The following MUC4 variants were observed in gnomAD, a reference collection of about 807,000 sequenced individuals.
MUC4 encodes mucin-4.
In MUC4, 202 loss-of-function variants were observed where a neutral mutation model predicts 257.9. That is an observed-to-expected ratio of 0.78 (90% CI 0.70 to 0.88). The LOEUF (loss-of-function observed/expected upper bound fraction) is 0.88. Ranked by LOEUF, MUC4 falls within the 40% of genes least tolerant of loss-of-function variation. The pLI is 0.00. For synonymous variants in MUC4, 2,351 were observed against 2,757.1 expected (o/e 0.85, Z 4.62); for missense variants, 5,976 against 6,513.7 (o/e 0.92, Z 2.84).
intron 6 of MUC4, chr3:195,769,444 G>T: frequency 2.7e-6 from 1 of 371,048 alleles, no homozygotes; most frequent in Non-Finnish European, 5.0e-6. Context: ...GTGTTTGTTA[G>T]AGAAAGCTAC....
In MUC4 at chr3:195,757,554, C is replaced by T. The variant is rs1717916059; in HGVS notation, c.14987-226G>A. ...CCAACATACTGATTGTAGCGGGGAA[C>T]GCCACAGAGGGGAAAGCAGTTTCCT... On this transcript the variant is annotated intron_variant, in intron 17 of 24. Coordinates refer to ENST00000463781, the MANE Select transcript of MUC4 (RefSeq NM_018406.7). This position sits in a 1 kb window ranked among gnomAD's most constrained non-coding sequence, Gnocchi z 4.8. 2.0e-5 allele frequency among the ~76,000 whole-genome samples: 3 copies of T among 152,248 alleles called. No individual in the cohort carries two copies. The highest frequency in any genetic ancestry group is 2.1e-4 in the South Asian group (1 of 4,826).
chr3:195,753,282 G>A (rs78765346), intron 19 of MUC4, 52 bp from the exon 20 acceptor site: 67,739 of 1,570,446 alleles, frequency 0.043, 1,988 homozygotes, highest in African/African-American at 0.14. Context: ...GCAGAGGGAC[G>A]GCCCAGCCCG....
At chr3:195,798,825 G>A (rs541929255) in intron 1 of MUC4, among the ~76,000 whole-genome samples, 1 of 152,202 alleles carries the variant, frequency 6.6e-6, no homozygotes, top group East Asian at 1.9e-4. Context: ...TACTAGCTTC[G>A]TAAACATAGC....
chr3:195,795,815 CAAAT>C (rs1734498083), intron 1 of MUC4, among the ~76,000 whole-genome samples: 1 of 119,726 alleles, frequency 8.4e-6, no homozygotes, highest in Non-Finnish European at 1.6e-5. Flanking sequence ...GAAAATAAAA[CAAAT>C]ACCTGGCAAG....
Position 195,751,042 on chromosome 3 carries a change from G to A in MUC4, c.15718C>T (p.Pro5240Ser). 6.2e-7 allele frequency: 1 copy of A among 1,613,960 alleles called. No homozygotes were observed. Among genetic ancestry groups the A allele is most frequent in the Non-Finnish European group, 8.5e-7 (1 of 1,179,984 alleles). The change falls in exon 23 of 25, where the codon CCT (proline) becomes TCT (serine). Residue 5240 changes from proline to serine, a missense_variant. Physicochemically the swap from Pro to Ser is moderately conservative, Grantham distance 74 (BLOSUM62 -1). Around this residue, in one of 44 missense-constraint regions of MUC4, gnomAD observed 310 missense variants for 242.1 expected, o/e 1.28. Transcript: ENST00000463781. Reference protein sequence around the residue: ...WMVISEFQYRPRGPVIDFLNN... With the variant: ...WMVISEFQYRSRGPVIDFLNN... Reference sequence around the variant, plus strand: ...AGGAAGTCAATGACCGGGCCCCGAGGGCGGTACTGGAACTCCGAGATGACC... The same window carrying A: ...AGGAAGTCAATGACCGGGCCCCGAGAGCGGTACTGGAACTCCGAGATGACC...
intron 6 of MUC4, 98 bp from the exon 7 acceptor site, chr3:195,769,250 G>T: frequency 6.7e-7 from 1 of 1,498,172 alleles, no homozygotes; most frequent in Admixed American, 2.0e-5. Context: ...GCTCTGACAC[G>T]CACAGCACCT....
Position 195,780,954 on chromosome 3 carries a change from A to C in MUC4, c.10626T>G (p.Leu3542=). The change falls in exon 2 of 25, where the codon CTT becomes CTG. Residue 3542 remains leucine, a synonymous_variant. Coordinates refer to ENST00000463781, the MANE Select transcript of MUC4 (RefSeq NM_018406.7). ...TGGTGTCACCTGTGGATACTGAGGA[A>C]AGGCTGGTGACAGGAAGAGGCGTGG... ...GHATPLPVTS[L]SSVSTGDTTP... The C allele has an allele frequency of 6.7e-7, 1 of 1,495,894 alleles. No homozygotes were observed. Among genetic ancestry groups the C allele is most frequent in the Non-Finnish European group, 9.0e-7 (1 of 1,110,982 alleles). 92.7% of individuals were successfully genotyped at this position (1,495,894 alleles called of 1,614,324 possible). A position where few individuals can be genotyped will look rare whatever the true frequency, so the allele number is the denominator to read the frequency against.
Position 195,790,322 on chromosome 3 carries a change from C to A in MUC4, c.1258G>T (p.Ala420Ser). 1 of 1,613,844 alleles carries A rather than the reference C, an allele frequency of 6.2e-7. No individual in the cohort carries two copies. Among genetic ancestry groups the A allele is most frequent in the Non-Finnish European group, 8.5e-7 (1 of 1,179,786 alleles). The change falls in exon 2 of 25, where the codon GCA becomes TCA. Residue 420 changes from alanine to serine, a missense_variant. Coordinates refer to ENST00000463781, the MANE Select transcript of MUC4 (RefSeq NM_018406.7). Reference sequence around the variant, plus strand: ...ATGGTTGAAACTTTGGAAGTGATTGCAGAAATGGTTCCACTTACAGATAGT... The same window carrying A: ...ATGGTTGAAACTTTGGAAGTGATTGAAGAAATGGTTCCACTTACAGATAGT... Reference protein sequence around the residue: ...TSLSVSGTISAITSKVSTIWW... With the variant: ...TSLSVSGTISSITSKVSTIWW...
At chr3:195,753,817 G>GT (rs1716963760) in intron 19 of MUC4, 1 of 213,760 alleles carries the variant, frequency 4.7e-6, no homozygotes, top group African/African-American at 2.3e-5. Flanking sequence ...CCTGAGCCTC[G>GT]TGTCTCTGAA....
rs550132232 is a variant in MUC4 at position 195,805,804 on chromosome 3, T to C, written c.82+5932A>G. Among the ~76,000 whole-genome samples the C allele has an allele frequency of 2.0e-5, 3 of 152,166 alleles. No homozygotes were observed. In the East Asian group the frequency reaches 5.8e-4, roughly 30 times the overall value. On this transcript the variant is annotated intron_variant, in intron 1 of 24. Coordinates refer to ENST00000463781, the MANE Select transcript of MUC4 (RefSeq NM_018406.7). ...GAGTCACTGTGCCTGGCCTTGTCTGTCATTTCAATTACTCAAAATCCATAA... is the reference window on the plus strand; with the variant it reads ...GAGTCACTGTGCCTGGCCTTGTCTGCCATTTCAATTACTCAAAATCCATAA...
At position 195,783,868 on chromosome 3, in the gene MUC4, G is replaced by C. The variant is rs1384712872; in HGVS notation, c.7712C>G (p.Thr2571Arg). The change falls in exon 2 of 25, where the codon ACA becomes AGA. Residue 2571 changes from threonine to arginine, a missense_variant. Physicochemically the swap from Thr to Arg is moderately conservative, Grantham distance 71. Around this residue, in one of 44 missense-constraint regions of MUC4, gnomAD observed 135 missense variants for 114.7 expected, o/e 1.18. Transcript: ENST00000463781. Reference protein sequence around the residue: ...LPVTDTSAASTGHATPLPVTS... With the variant: ...LPVTDTSAASRGHATPLPVTS... Reference sequence around the variant, plus strand: ...GACAGGAAGAGGGGTGGCGTGACCTGTGGATGCTGCGGAAGTGTCGGTGAC... The same window carrying C: ...GACAGGAAGAGGGGTGGCGTGACCTCTGGATGCTGCGGAAGTGTCGGTGAC... 7 of 1,509,138 alleles carry C rather than the reference G, an allele frequency of 4.6e-6. No homozygotes were observed. The highest frequency in any genetic ancestry group is 1.2e-5 in the South Asian group (1 of 82,294). 93.5% of individuals were successfully genotyped at this position (1,509,138 alleles called of 1,614,324 possible).
At chr3:195,778,206 C>G (rs901613799) in intron 3 of MUC4, 97 bp downstream of exon 3, 2 of 1,436,484 alleles carry the variant, frequency 1.4e-6, no homozygotes, top group Non-Finnish European at 1.9e-6. Flanking sequence ...AAGGCCCTCC[C>G]CACCCGAGAG....
Position 195,755,385 on chromosome 3 carries a change from A to G in MUC4, c.15169-1013T>C, listed in dbSNP as rs1162253277. 6.6e-6 allele frequency among the ~76,000 whole-genome samples: 1 copy of G among 152,050 alleles called. No homozygotes were observed. The highest frequency in any genetic ancestry group is 1.5e-5 in the Non-Finnish European group (1 of 68,002). The stretch of plus-strand genomic sequence containing the variant: ...TAATTTTTTGATTTTTAGTAGAGAC[A>G]GGGTCTTGCCATATTGCCCAGGCTG... On this transcript the variant is annotated intron_variant, in intron 18 of 24. Transcript: ENST00000463781. This position sits in a 1 kb window ranked among gnomAD's most constrained non-coding sequence, Gnocchi z 5.0.
rs747639890 is a variant in MUC4, at chr3:195,782,171, G to C, written c.9409C>G (p.Leu3137Val). 1.2e-4 allele frequency: 157 copies of C among 1,355,642 alleles called. 13 individuals carry two copies. Among genetic ancestry groups the C allele is most frequent in the Non-Finnish European group, 1.4e-4 (148 of 1,029,996 alleles). The allele number at this position is 1,355,642 out of a possible 1,614,324, so 84.0% of individuals were successfully genotyped here. A position where few individuals can be genotyped will look rare whatever the true frequency, so the allele number is the denominator to read the frequency against. ...SSASTGQATA[L>V]PVTSTSSAST... is the part of the protein sequence containing the mutation. ...GCTGAGGAAGTGCTGGTGACAGGAA[G>C]AGCGGTGGCCTGACCTGTGGATGCT... The change falls in exon 2 of 25, where the codon CTT becomes GTT. Residue 3137 changes from leucine (L) to valine (V), a missense_variant. By Grantham distance (32) the Leu-to-Val change is conservative (BLOSUM62 1). Transcript: ENST00000463781.
chr3:195,754,469 A>T, intron 18 of MUC4, 97 bp from the exon 19 acceptor site: 1 of 1,429,936 alleles, frequency 7.0e-7, no homozygotes, highest in Non-Finnish European at 9.4e-7. Context: ...GAACCCGTGG[A>T]CCCTGAGTCA....
intron 1 of MUC4, among the ~76,000 whole-genome samples, chr3:195,803,015 T>C (rs1457542479): frequency 6.6e-6 from 1 of 152,036 alleles, no homozygotes; most frequent in East Asian, 1.9e-4. Context: ...CCTTTTCTTG[T>C]CATCTGTATA....
chr3:195,778,764 A>G (rs370308096), intron 2 of MUC4, 26 bp downstream of exon 2: 20 of 1,587,670 alleles, frequency 1.3e-5, no homozygotes, highest in African/African-American at 2.7e-5. Context: ...ACTGGGAGAC[A>G]TAAAGGCGAG....
chr3:195,775,054 C>T (rs1437445212), intron 3 of MUC4, among the ~76,000 whole-genome samples: 1 of 152,094 alleles, frequency 6.6e-6, no homozygotes, highest in African/African-American at 2.4e-5. Flanking sequence ...CCTAGAGGCC[C>T]TCGGGCTCCA....
In MUC4 at chr3:195,811,810, C is replaced by T; in HGVS notation, c.8G>A (p.Gly3Glu). The change falls in exon 1 of 25, where the codon GGG (glycine) becomes GAG (glutamate). Residue 3 changes from glycine (G) to glutamate (E), a missense_variant. Around this residue, in one of 44 missense-constraint regions of MUC4, gnomAD observed 1,583 missense variants for 1,257.4 expected, o/e 1.26. Transcript: ENST00000463781. ...CCAGGGGACCCTCCTCCAGCGTGCC[C>T]CCTTCATGGCTGCGGCAAAAGTCCC... is the stretch of plus-strand genomic sequence containing the variant. MK[G>E]ARWRRVPWVS... 1 of 1,613,776 alleles carries T rather than the reference C, an allele frequency of 6.2e-7. No homozygotes were observed.
Sources: gnomAD v4.1 joint callset for allele counts (sites outside exome capture counted in the v4.1 genomes callset) on GRCh38, gnomAD v4.1.1 for gene constraint, gnomAD v4.1.1 regional missense constraint, Gnocchi (gnomAD v3.1) non-coding constraint, MANE v1.5 for transcripts, NCBI Gene and HGNC (gene_info 2026-07-23, HGNC 2026-07-21) for gene names.